The following LILRA1 variants were observed in gnomAD, a reference collection of about 807,000 sequenced individuals.
The protein encoded by LILRA1 is leukocyte immunoglobulin like receptor A1, also known as leukocyte immunoglobulin-like receptor subfamily A member 1.
In LILRA1, 51 loss-of-function variants were observed where a neutral mutation model predicts 51.6. The ratio of observed to expected loss-of-function variants is 0.99; its 90% CI spans 0.79 to 1.25. LILRA1 has a LOEUF of 1.25. Ranked by LOEUF, LILRA1 falls within the 50% of genes most tolerant of loss-of-function variation. The pLI, the probability that LILRA1 is intolerant of heterozygous loss-of-function variation, is 0.00. For synonymous variants in LILRA1, 305 were observed against 248.4 expected (o/e 1.23, Z -2.14); for missense variants, 660 against 611.7 (o/e 1.08, Z -0.83).
At position 54,595,154 on chromosome 19, in the gene LILRA1, G is replaced by A. The variant is rs748665209; in HGVS notation, c.413G>A (p.Gly138Glu). ...SALPSPVVTS[G>E]GNVTLHCVSQ... ...CTACCCAGCCCTGTGGTGACCTCAG[G>A]AGGGAACGTGACCCTCCATTGTGTC... is the stretch of plus-strand genomic sequence containing the variant. The change falls in exon 5 of 10, where the codon GGA (glycine) becomes GAA (glutamate). Residue 138 changes from glycine (G) to glutamate (E), a missense_variant. Coordinates refer to ENST00000251372, the MANE Select transcript of LILRA1 (RefSeq NM_006863.4). The A allele has an allele frequency of 6.2e-7, 1 of 1,614,036 alleles. No individual in the cohort carries two copies. Among genetic ancestry groups the A allele is most frequent in the African/African-American group, 1.3e-5 (1 of 74,914 alleles).
At position 54,596,197 on chromosome 19, in the gene LILRA1, C is replaced by G. The variant is rs755680562; in HGVS notation, c.967C>G (p.Arg323Gly). The change falls in exon 7 of 10, where the codon CGT becomes GGT. Residue 323 changes from arginine (R) to glycine (G), a missense_variant. By Grantham distance (125) the Arg-to-Gly change is moderately radical. Coordinates refer to ENST00000251372, the MANE Select transcript of LILRA1 (RefSeq NM_006863.4). The part of the protein sequence containing the change: ...PLDILIAGQF[R>G]GRPFISVHPG... Reference sequence around the variant, plus strand: ...ATCCTTCTTCTCTCCAGGACAGTTCCGTGGCAGACCCTTCATCTCGGTGCA... The same window carrying G: ...ATCCTTCTTCTCTCCAGGACAGTTCGGTGGCAGACCCTTCATCTCGGTGCA... 1.9e-6 allele frequency: 3 copies of G among 1,613,548 alleles called. No individual in the cohort carries two copies. Among genetic ancestry groups the G allele is most frequent in the South Asian group, 2.2e-5 (2 of 91,038 alleles).
intron 2 of LILRA1, 40 bp downstream of exon 2, chr19:54,594,318 G>A (rs2062973088): frequency 6.2e-7 from 1 of 1,613,262 alleles, no homozygotes; most frequent in Non-Finnish European, 8.5e-7. Context: ...AACCTAGGAG[G>A]GACCTCACCC....
chr19:54,596,153 G>A, intron 6 of LILRA1, 36 bp from the exon 7 acceptor site: 1 of 1,601,262 alleles, frequency 6.2e-7, no homozygotes. Flanking sequence ...TCAGAACAAG[G>A]TGGGGCAGCC....
chr19:54,600,146 C>A (rs1211231231), intron 8 of LILRA1, among the ~76,000 whole-genome samples: 1 of 152,064 alleles, frequency 6.6e-6, no homozygotes, highest in Admixed American at 6.6e-5. Flanking sequence ...ATGCATGGAG[C>A]CTGGGTCCTC....
chr19:54,600,600 C>A, intron 9 of LILRA1, 50 bp downstream of exon 9: 1 of 1,612,908 alleles, frequency 6.2e-7, no homozygotes, highest in Non-Finnish European at 8.5e-7. Context: ...AGGGTTGGGT[C>A]CTGTCAAGGG....
Position 54,600,496 on chromosome 19 carries a change from C to T in LILRA1, c.1313-16C>T. On this transcript the variant is annotated splice_polypyrimidine_tract_variant and intron_variant, in intron 8 of 9. Coordinates refer to ENST00000251372, the MANE Select transcript of LILRA1 (RefSeq NM_006863.4). The stretch of plus-strand genomic sequence containing the variant: ...GAGGCTGGCTCAGGGCTCTTCCCCT[C>T]TGTTTTTATTCTCAGGAGCAGCTAA... 6.2e-7 allele frequency: 1 copy of T among 1,614,044 alleles called. No homozygotes were observed. The highest frequency in any genetic ancestry group is 8.5e-7 in the Non-Finnish European group (1 of 1,179,956).
chr19:54,600,809 A>C lies in LILRA1; in HGVS notation c.1462A>C (p.Ser488Arg). 6.2e-7 allele frequency: 1 copy of C among 1,614,114 alleles called. No homozygotes were observed. Among genetic ancestry groups the C allele is most frequent in the Non-Finnish European group, 8.5e-7 (1 of 1,179,996 alleles). The stretch of plus-strand genomic sequence containing the variant: ...ATTTGAGGCTCAGCACAGCCAGAGA[A>C]GCCTCTGAGATGCAGCCGGGAGGTG... Reference protein sequence around the residue: ...LLFEAQHSQRSL With the variant: ...LLFEAQHSQRRL The change falls in exon 10 of 10, where the codon AGC becomes CGC. Residue 488 changes from serine (S) to arginine (R), a missense_variant. Transcript: ENST00000251372.
At position 54,601,123 on chromosome 19, in the gene LILRA1, C is replaced by T. The variant is rs1209954560; in HGVS notation, c.*306C>T. On this transcript the variant is annotated 3_prime_UTR_variant, in exon 10 of 10. Coordinates refer to ENST00000251372, the MANE Select transcript of LILRA1 (RefSeq NM_006863.4). ...CATGAGGCTACATCCCACATGGCAG[C>T]GTTGGGTCCACACCTCTGCACATCT... 10 of 476,236 alleles carry T rather than the reference C, an allele frequency of 2.1e-5. No individual in the cohort carries two copies. Among genetic ancestry groups the T allele is most frequent in the Middle Eastern group, 5.7e-4 (1 of 1,754 alleles). The allele number at this position is 476,236 out of a possible 1,614,324, so 29.5% of individuals were successfully genotyped here. A position where few individuals can be genotyped will look rare whatever the true frequency, so the allele number is the denominator to read the frequency against.
chr19:54,600,515 C>G lies in LILRA1; in HGVS notation c.1316C>G (p.Ala439Gly), dbSNP rs142072451. Residue 439 changes from alanine to glycine, a missense_variant, in exon 9 of 10, where the codon GCA (alanine) becomes GGA (glycine). Coordinates refer to ENST00000251372, the MANE Select transcript of LILRA1 (RefSeq NM_006863.4). The stretch of plus-strand genomic sequence containing the variant: ...TCCCCTCTGTTTTTATTCTCAGGAG[C>G]AGCTAACACCCTCAGCCCATCACAA... ...PQNKSDSKAG[A>G]ANTLSPSQNK... The G allele has an allele frequency of 4.5e-3, 7,323 of 1,614,002 alleles. 14 individuals are homozygous for G. The highest frequency in any genetic ancestry group is 5.6e-3 in the Non-Finnish European group (6,623 of 1,179,934).
chr19:54,598,899 A>G (rs575562433), intron 7 of LILRA1, among the ~76,000 whole-genome samples: 4 of 152,152 alleles, frequency 2.6e-5, no homozygotes, highest in Middle Eastern at 3.4e-3. Flanking sequence ...AGTTTCAAGC[A>G]ATTCTCCTGC....
intron 8 of LILRA1, 81 bp from the exon 9 acceptor site, chr19:54,600,431 A>G (rs1944844037): frequency 7.1e-7 from 1 of 1,416,242 alleles, no homozygotes; most frequent in Non-Finnish European, 9.9e-7. Flanking sequence ...AACTCATGTC[A>G]GAAGACATAG....
chr19:54,595,593 G>A (rs1010795274), intron 5 of LILRA1, 46 bp from the exon 6 acceptor site: 15 of 1,571,298 alleles, frequency 9.5e-6, no homozygotes, highest in Non-Finnish European at 1.3e-5. Flanking sequence ...GATATGTGGG[G>A]AAGCCTGAGG....
Position 54,595,088 on chromosome 19 carries a change from C to T in LILRA1, c.359-12C>T. The T allele has an allele frequency of 1.2e-6, 2 of 1,609,660 alleles. No individual in the cohort carries two copies. The highest frequency in any genetic ancestry group is 1.7e-6 in the Non-Finnish European group (2 of 1,177,144). ...TGAGCCCCATTTAACATGGTGCCTC[C>T]TTCTCTCCTAGGAGCCTACATCAAA... On this transcript the variant is annotated splice_polypyrimidine_tract_variant and intron_variant, in intron 4 of 9. Coordinates refer to ENST00000251372, the MANE Select transcript of LILRA1 (RefSeq NM_006863.4).
rs757252403 is a variant in LILRA1, at chr19:54,595,893, G to C, written c.916G>C (p.Glu306Gln). The change falls in exon 6 of 10, where the codon GAG (glutamate) becomes CAG (glutamine). Residue 306 changes from glutamate (E) to glutamine (Q), a missense_variant. Coordinates refer to ENST00000251372, the MANE Select transcript of LILRA1 (RefSeq NM_006863.4). Reference sequence around the variant, plus strand: ...CTCCGGTGCATACAACCTCTCCTCCGAGTGGTCGGCCCCCAGCGACCCCCT... The same window carrying C: ...CTCCGGTGCATACAACCTCTCCTCCCAGTGGTCGGCCCCCAGCGACCCCCT... The part of the protein sequence containing the change: ...RCSGAYNLSS[E>Q]WSAPSDPLDI... 6.2e-7 allele frequency: 1 copy of C among 1,613,620 alleles called. No homozygotes were observed. The highest frequency in any genetic ancestry group is 1.7e-5 in the Admixed American group (1 of 60,020).
chr19:54,599,966 CTG>C (rs1218168669), intron 8 of LILRA1, among the ~76,000 whole-genome samples: 5 of 152,160 alleles, frequency 3.3e-5, no homozygotes, highest in East Asian at 3.9e-4. Flanking sequence ...ATGTGGGAAA[CTG>C]TATTGCATTC....
Position 54,594,204 on chromosome 19 carries a change from G to T in LILRA1, c.-41G>T. 1.2e-6 allele frequency: 2 copies of T among 1,612,722 alleles called. No individual in the cohort carries two copies. Among genetic ancestry groups the T allele is most frequent in the Non-Finnish European group, 1.7e-6 (2 of 1,179,344 alleles). ...GTGTCTCTGTCCTGCCAGCACCGAG[G>T]GCTCATCCATCCGCAGAGCAGGGCA... On this transcript the variant is annotated 5_prime_UTR_variant, in exon 2 of 10. Transcript: ENST00000251372.
chr19:54,594,902 A>G lies in LILRA1; in HGVS notation c.308A>G (p.His103Arg). 1 of 1,614,132 alleles carries G rather than the reference A, an allele frequency of 6.2e-7. No individual in the cohort carries two copies. The highest frequency in any genetic ancestry group is 1.1e-5 in the South Asian group (1 of 91,090). The change falls in exon 4 of 10, where the codon CAC becomes CGC. Residue 103 changes from histidine to arginine, a missense_variant. His to Arg is a conservative substitution (Grantham distance 29). Coordinates refer to ENST00000251372, the MANE Select transcript of LILRA1 (RefSeq NM_006863.4). Reference sequence around the variant, plus strand: ...CGGTATCGCTGTTTCTACGGTAGCCACACTGCAGGCTGGTCAGAGCCCAGT... The same window carrying G: ...CGGTATCGCTGTTTCTACGGTAGCCGCACTGCAGGCTGGTCAGAGCCCAGT... ...TGRYRCFYGS[H>R]TAGWSEPSDP... is the part of the protein sequence containing the mutation.
In LILRA1 at chr19:54,602,344, C is replaced by A. The variant is rs948027589; in HGVS notation, c.*1527C>A. On this transcript the variant is annotated 3_prime_UTR_variant, in exon 10 of 10. Coordinates refer to ENST00000251372, the MANE Select transcript of LILRA1 (RefSeq NM_006863.4). Reference sequence around the variant, plus strand: ...AGAATAAAGAAATGTTATCATTTGCCATCTACCCTCTAGAATAAAGAAATC... The same window carrying A: ...AGAATAAAGAAATGTTATCATTTGCAATCTACCCTCTAGAATAAAGAAATC... Among the ~76,000 whole-genome samples the A allele has an allele frequency of 6.6e-6, 1 of 152,114 alleles. No individual in the cohort carries two copies. The highest frequency in any genetic ancestry group is 1.5e-5 in the Non-Finnish European group (1 of 68,012).
chr19:54,595,816 C>G lies in LILRA1; in HGVS notation c.839C>G (p.Ala280Gly). 6.2e-7 allele frequency: 1 copy of G among 1,614,212 alleles called. No homozygotes were observed. Among genetic ancestry groups the G allele is most frequent in the Non-Finnish European group, 8.5e-7 (1 of 1,180,016 alleles). The change falls in exon 6 of 10, where the codon GCC becomes GGC. Residue 280 changes from alanine (A) to glycine (G), a missense_variant. Ala to Gly is a moderately conservative substitution (Grantham distance 60). Transcript: ENST00000251372. ...GPQPQAGLSQANFTLGPVSRS... is the reference protein window; with the variant it reads ...GPQPQAGLSQGNFTLGPVSRS... ...CAGCCCCAGGCTGGGCTCTCCCAGG[C>G]CAACTTCACCCTGGGCCCTGTGAGC...
Sources: allele counts gnomAD v4.1 joint callset (sites outside exome capture counted in the v4.1 genomes callset), GRCh38; gene constraint gnomAD v4.1.1; transcripts MANE v1.5; gene names NCBI Gene and HGNC (gene_info 2026-07-23, HGNC 2026-07-21).